The following SLC6A14 variants were observed in gnomAD, a reference collection of about 807,000 sequenced individuals.
SLC6A14 encodes the protein sodium- and chloride-dependent neutral and basic amino acid transporter B(0+).
SLC6A14 carries 21 observed loss-of-function variants against 51.4 expected under a neutral mutation model. The observed-to-expected ratio is 0.41, with a 90% confidence interval of 0.29 to 0.59. The LOEUF (loss-of-function observed/expected upper bound fraction) is 0.59, where lower values mean the gene tolerates loss of function less well. Ranked by LOEUF, SLC6A14 falls within the 20% of genes least tolerant of loss-of-function variation. The pLI is 0.31. For missense variants in SLC6A14, 371 were observed against 472.8 expected (o/e 0.78, Z 2.00); for synonymous variants, 177 against 160.7 (o/e 1.10, Z -0.77).
intron 5 of SLC6A14, among the ~76,000 whole-genome samples, chrX:116,444,258 T>C (rs1182268586): frequency 2.7e-5 from 3 of 112,183 alleles, no homozygotes; most frequent in Non-Finnish European, 5.7e-5. Context: ...TCAAACGATC[T>C]CTCTACTTAC....
At chrX:116,451,991 G>T (rs1245016334) in intron 8 of SLC6A14, among the ~76,000 whole-genome samples, 1 of 111,614 alleles carries the variant, frequency 9.0e-6, no homozygotes, top group Admixed American at 9.6e-5. Context: ...ATACTATTGG[G>T]TTTGAATTTT....
chrX:116,458,800 G>T lies in SLC6A14; in HGVS notation c.1783-9G>T, dbSNP rs1556694950. The T allele has an allele frequency of 1.7e-6, 2 of 1,154,881 alleles. No homozygotes were observed. Among genetic ancestry groups the T allele is most frequent in the Admixed American group, 2.8e-5 (1 of 35,772 alleles). ...TCTAAGACAATGATTTTTTGTTCTT[G>T]CATTTCAGCGCCTTATAAGTTGCTG... On this transcript the variant is annotated splice_polypyrimidine_tract_variant and intron_variant, in intron 13 of 13. Transcript: ENST00000598581.
At chrX:116,451,761 A>G (rs1202173394) in intron 8 of SLC6A14, 91 bp downstream of exon 8, 4 of 511,884 alleles carry the variant, frequency 7.8e-6, no homozygotes, top group Non-Finnish European at 1.2e-5. Context: ...TACTTGACAC[A>G]GTCATGATTT....
At chrX:116,456,017 AC>A (rs1412548655) in intron 12 of SLC6A14, among the ~76,000 whole-genome samples, 1 of 111,624 alleles carries the variant, frequency 9.0e-6, no homozygotes, top group Non-Finnish European at 1.9e-5. Flanking sequence ...AATAAATTCA[AC>A]AATTAATACT....
rs782427715 is a variant in SLC6A14 at position 116,461,028 on chromosome X, AT to A, written c.*2074del. 6 of 112,109 alleles carry A rather than the reference AT, an allele frequency of 5.4e-5. No homozygotes were observed. Among genetic ancestry groups the A allele is most frequent in the Non-Finnish European group, 1.1e-4 (6 of 53,283 alleles). The allele number at this position is 112,109 out of a possible 1,213,427, so 9.2% of individuals were successfully genotyped here. A position where few individuals can be genotyped will look rare whatever the true frequency, so the allele number is the denominator to read the frequency against. On this transcript the variant is annotated 3_prime_UTR_variant, in exon 14 of 14. Transcript: ENST00000598581. ...TTAATTTTAATCCACAGTATGTTAC[AT>A]GCATTCTACCACTACATTTTGGTGC...
At chrX:116,457,468 C>A in intron 12 of SLC6A14, 141 bp from the exon 13 acceptor site, 1 of 461,610 alleles carries the variant, frequency 2.2e-6, no homozygotes, top group Non-Finnish European at 3.4e-6. Context: ...GGCTTGTTAC[C>A]TGATTATTTC....
Position 116,460,990 on chromosome X carries a change from G to T in SLC6A14, c.*2035G>T, listed in dbSNP as rs188900285. 1.8e-5 allele frequency: 2 copies of T among 111,889 alleles called. No individual in the cohort carries two copies. The highest frequency in any genetic ancestry group is 6.5e-5 in the African/African-American group (2 of 30,822). The allele number at this position is 111,889 out of a possible 1,213,427, so 9.2% of individuals were successfully genotyped here. A position where few individuals can be genotyped will look rare whatever the true frequency, so the allele number is the denominator to read the frequency against. On this transcript the variant is annotated 3_prime_UTR_variant, in exon 14 of 14. Coordinates refer to ENST00000598581, the MANE Select transcript of SLC6A14 (RefSeq NM_007231.5). ...AGAATAGATGGCTAACAAGAGGTTA[G>T]AAATACTTTTCCTTAATTTTAATCC...
rs1927993619 is a variant in SLC6A14, at chrX:116,459,163, G to A, written c.*208G>A. 3.2e-6 allele frequency: 1 copy of A among 314,240 alleles called. No individual in the cohort carries two copies. Among genetic ancestry groups the A allele is most frequent in the Non-Finnish European group, 5.5e-6 (1 of 181,599 alleles). The allele number at this position is 314,240 out of a possible 1,213,427, so 25.9% of individuals were successfully genotyped here. A position where few individuals can be genotyped will look rare whatever the true frequency, so the allele number is the denominator to read the frequency against. On this transcript the variant is annotated 3_prime_UTR_variant, in exon 14 of 14. Transcript: ENST00000598581. ...TGCTTATTATATTTCTTTTTAGATTGTCTATCTGTATAACACACACACACA... is the reference window on the plus strand; with the variant it reads ...TGCTTATTATATTTCTTTTTAGATTATCTATCTGTATAACACACACACACA...
rs1556694008 is a variant in SLC6A14, at chrX:116,446,211, T to C, written c.790-530T>C. Among the ~76,000 whole-genome samples, 5 of 108,594 alleles carry C rather than the reference T, an allele frequency of 4.6e-5. No homozygotes were observed. The South Asian group carries it at 1.2e-3, about 26-fold the overall frequency. 94.3% of individuals were successfully genotyped at this position (108,594 alleles called of 115,157 possible). On this transcript the variant is annotated intron_variant, in intron 6 of 13. Transcript: ENST00000598581. ...ATCTAGTACAGAAGCAGAGCACTTG[T>C]ATGTATGCTATCAAACTCTCTTAAT...
Position 116,437,555 on chromosome X carries a change from G to T in SLC6A14, c.49-235G>T, listed in dbSNP as rs367785258. ...TACCAAAATTTGAATAATCTTAGCT[G>T]ATGGAGTAATAAACATATCTACCTA... On this transcript the variant is annotated intron_variant, in intron 1 of 13. Transcript: ENST00000598581. Among the ~76,000 whole-genome samples, 9 of 111,648 alleles carry T rather than the reference G, an allele frequency of 8.1e-5. 1 individual carries two copies. In the South Asian group the frequency reaches 3.3e-3, roughly 42 times the overall value.
At position 116,453,120 on chromosome X, in the gene SLC6A14, C is replaced by T. The variant is rs1927854663; in HGVS notation, c.1263C>T (p.Leu421=). The T allele has an allele frequency of 2.2e-5, 26 of 1,200,737 alleles. No individual in the cohort carries two copies. The highest frequency in any genetic ancestry group is 2.9e-5 in the Non-Finnish European group (26 of 889,487). ...LFFFMLLTLG[L]DSQFASIETI... ...TTTTCATGCTTTTAACTTTGGGTCT[C>T]GATTCTCAGTTTGCTTCGATTGGTA... The change falls in exon 9 of 14, where the codon CTC becomes CTT. Residue 421 remains leucine, a synonymous_variant. Coordinates refer to ENST00000598581, the MANE Select transcript of SLC6A14 (RefSeq NM_007231.5).
chrX:116,460,417 A>C lies in SLC6A14; in HGVS notation c.*1462A>C, dbSNP rs1211371004. 1.8e-5 allele frequency: 2 copies of C among 111,426 alleles called. No homozygotes were observed. Among genetic ancestry groups the C allele is most frequent in the Admixed American group, 1.9e-4 (2 of 10,490 alleles). The allele number at this position is 111,426 out of a possible 1,213,427, so 9.2% of individuals were successfully genotyped here. ...AGAAATTAAGGCATTTGTTTAATTT[A>C]TACTGGTAACTTATTTAGGGGGGAG... On this transcript the variant is annotated 3_prime_UTR_variant, in exon 14 of 14. Transcript: ENST00000598581.
At chrX:116,454,598 T>G (rs2147390825) in intron 10 of SLC6A14, among the ~76,000 whole-genome samples, 156 bp downstream of exon 10, 1 of 111,320 alleles carries the variant, frequency 9.0e-6, no homozygotes, top group South Asian at 3.7e-4. Context: ...TCTCCATTAT[T>G]ACTTTTATAG....
intron 7 of SLC6A14, among the ~76,000 whole-genome samples, chrX:116,447,379 A>G (rs1927735952): frequency 8.9e-6 from 1 of 112,021 alleles, no homozygotes; most frequent in South Asian, 3.7e-4. Context: ...TTGACAATGG[A>G]TTAAGCATTC....
intron 1 of SLC6A14, 97 bp from the exon 2 acceptor site, chrX:116,437,693 C>T (rs1290506222): frequency 1.7e-5 from 14 of 837,067 alleles, no homozygotes; most frequent in Non-Finnish European, 2.4e-5. Flanking sequence ...AGGGTTTCTT[C>T]CCCCCATTTT....
In SLC6A14 at chrX:116,460,160, A is replaced by G. The variant is rs1181290511; in HGVS notation, c.*1205A>G. The G allele has an allele frequency of 9.0e-6, 1 of 111,572 alleles. No individual in the cohort carries two copies. Among genetic ancestry groups the G allele is most frequent in the Non-Finnish European group, 1.9e-5 (1 of 53,072 alleles). The allele number at this position is 111,572 out of a possible 1,213,427, so 9.2% of individuals were successfully genotyped here. A position where few individuals can be genotyped will look rare whatever the true frequency, so the allele number is the denominator to read the frequency against. ...ACCTAGGCTTCAGGGAGCATATGAA[A>G]CCAAAATTATATGGAACATTTTCTG... On this transcript the variant is annotated 3_prime_UTR_variant, in exon 14 of 14. Transcript: ENST00000598581.
Position 116,444,919 on chromosome X carries a change from A to G in SLC6A14, c.658A>G (p.Lys220Glu). The G allele has an allele frequency of 1.7e-6, 2 of 1,210,064 alleles. No individual in the cohort carries two copies. The highest frequency in any genetic ancestry group is 1.1e-6 in the Non-Finnish European group (1 of 894,072). The change falls in exon 6 of 14, where the codon AAA (lysine) becomes GAA (glutamate). Residue 220 changes from lysine to glutamate, a missense_variant and splice_region_variant. By Grantham distance (56) the Lys-to-Glu change is moderately conservative. This residue lies in a region of SLC6A14 where 277 missense variants were observed against 391.8 expected (regional missense o/e 0.71). Coordinates refer to ENST00000598581, the MANE Select transcript of SLC6A14 (RefSeq NM_007231.5). ...GQLPSEQYWN[K>E]VALQRSSGMN... ...CATAAAATGGCTTATGTGTTTCAGT[A>G]AAGTGGCGCTCCAACGGTCAAGTGG...
Position 116,451,688 on chromosome X carries a change from T to A in SLC6A14, c.1159+18T>A. On this transcript the variant is annotated intron_variant, in intron 8 of 13. Coordinates refer to ENST00000598581, the MANE Select transcript of SLC6A14 (RefSeq NM_007231.5). ...AAAATCAGGTATATAATACTATATA[T>A]TATCAACTTTGATTAATTCAATGTA... The A allele has an allele frequency of 1.0e-6, 1 of 962,033 alleles. No individual in the cohort carries two copies. The highest frequency in any genetic ancestry group is 3.1e-5 in the East Asian group (1 of 31,856). The allele number at this position is 962,033 out of a possible 1,213,427, so 79.3% of individuals were successfully genotyped here. A position where few individuals can be genotyped will look rare whatever the true frequency, so the allele number is the denominator to read the frequency against.
At chrX:116,441,208 T>C (rs1927591012) in intron 3 of SLC6A14, 111 bp downstream of exon 3, 1 of 811,920 alleles carries the variant, frequency 1.2e-6, no homozygotes, top group Admixed American at 2.8e-5. Context: ...TGCTTAAAAT[T>C]CTGACAATTT....
Sources: gnomAD v4.1 joint callset for allele counts (sites outside exome capture counted in the v4.1 genomes callset) on GRCh38, gnomAD v4.1.1 for gene constraint, gnomAD v4.1.1 regional missense constraint, MANE v1.5 for transcripts, NCBI Gene and HGNC (gene_info 2026-07-23, HGNC 2026-07-21) for gene names.